Variants in BCLAF3 observed in about 807,000 individuals in gnomAD.
BCLAF3 encodes the protein transient octamer binding factor 1.
A neutral mutation model predicts 51.2 loss-of-function variants in BCLAF3; 24 were observed. The observed-to-expected ratio is 0.47, with a 90% CI of 0.34 to 0.66. BCLAF3 has a LOEUF of 0.66. BCLAF3 is among the 30% of genes least tolerant of loss of function. The pLI, the probability that BCLAF3 is intolerant of heterozygous loss-of-function variation, is 0.01. For missense variants in BCLAF3, 465 were observed against 525.1 expected, an observed-to-expected ratio of 0.89 and a Z score of 1.12; for synonymous variants, 152 against 176.6, an observed-to-expected ratio of 0.86 and a Z score of 1.10.
Position 19,977,196 on chromosome X carries a change from T to G in BCLAF3, c.-34-6898A>C, listed in dbSNP as rs188804727. Among the ~76,000 whole-genome samples the G allele has an allele frequency of 5.4e-5, 6 of 111,639 alleles. No homozygotes were observed. The East Asian group carries it at 1.7e-3, about 31-fold the overall frequency. On this transcript the variant is annotated intron_variant, in intron 1 of 11. Transcript: ENST00000379682. Reference sequence around the variant, plus strand: ...CAACTAATAATCCTAAAATGGCCTCTAAATGTTCAAGTGAAAGGAAGAGTC... The same window carrying G: ...CAACTAATAATCCTAAAATGGCCTCGAAATGTTCAAGTGAAAGGAAGAGTC...
rs1278319111 is a variant in BCLAF3, at chrX:19,913,280, G to A, written c.*4025C>T. On this transcript the variant is annotated 3_prime_UTR_variant, in exon 12 of 12. Transcript: ENST00000379682. ...TTAGAGATGGGGTTTCACCATATTG[G>A]CCAGGCTGGTCTCAAACTCCTGACC... 1 of 111,280 alleles carries A rather than the reference G, an allele frequency of 9.0e-6. No individual in the cohort carries two copies. Among genetic ancestry groups the A allele is most frequent in the Admixed American group, 9.6e-5 (1 of 10,463 alleles). 9.2% of individuals were successfully genotyped at this position (111,280 alleles called of 1,213,427 possible). A position where few individuals can be genotyped will look rare whatever the true frequency, so the allele number is the denominator to read the frequency against.
intron 11 of BCLAF3, among the ~76,000 whole-genome samples, chrX:19,922,679 C>T: frequency 9.0e-6 from 1 of 111,453 alleles, no homozygotes; most frequent in East Asian, 2.8e-4. Context: ...GGGCAGATCA[C>T]TTGAGGTCAG....
rs766097683 is a variant in BCLAF3 at position 19,969,508 on chromosome X, C to G, written c.41+716G>C. ...TGAAACGCCCAGATAAAATTGTTTT[C>G]ATCTCTTCTTTGAAGACTTTCTTAG... is the stretch of plus-strand genomic sequence containing the variant. On this transcript the variant is annotated intron_variant, in intron 2 of 11. Coordinates refer to ENST00000379682, the MANE Select transcript of BCLAF3 (RefSeq NM_001367774.2). 3.6e-5 allele frequency among the ~76,000 whole-genome samples: 4 copies of G among 112,372 alleles called. No homozygotes were observed. In the South Asian group the frequency reaches 1.5e-3, roughly 41 times the overall value.
intron 1 of BCLAF3, among the ~76,000 whole-genome samples, chrX:19,982,584 C>G (rs757911183): frequency 9.3e-6 from 1 of 107,379 alleles, no homozygotes; most frequent in Non-Finnish European, 1.9e-5. Flanking sequence ...CACACACACA[C>G]GCACACACAC....
At chrX:19,976,617 C>T (rs974526466) in intron 1 of BCLAF3, among the ~76,000 whole-genome samples, 2 of 111,545 alleles carry the variant, frequency 1.8e-5, no homozygotes, top group Non-Finnish European at 3.8e-5. Context: ...TCTCGAACTC[C>T]TGACCTCAGG....
At chrX:19,947,913 G>C (rs1302398336) in intron 8 of BCLAF3, among the ~76,000 whole-genome samples, 1 of 112,285 alleles carries the variant, frequency 8.9e-6, no homozygotes, top group Non-Finnish European at 1.9e-5. Context: ...AAACTACCCT[G>C]ACTTGATTTT....
At chrX:19,941,430 TC>T (rs1036627437) in intron 8 of BCLAF3, among the ~76,000 whole-genome samples, 51 of 101,850 alleles carry the variant, frequency 5.0e-4, no homozygotes, top group Non-Finnish European at 1.2e-4. Context: ...CTTTAATCCA[TC>T]TTGAATTGAT....
At chrX:19,960,565 C>CTTTAGT (rs977659409) in intron 4 of BCLAF3, among the ~76,000 whole-genome samples, 10 of 111,968 alleles carry the variant, frequency 8.9e-5, no homozygotes, top group Non-Finnish European at 1.9e-4. Flanking sequence ...TAGGGGAGAA[C>CTTTAGT]TTTAGTTTTC....
intron 11 of BCLAF3, chrX:19,928,840 C>T (rs2147734028): frequency 9.0e-6 from 1 of 111,062 alleles, no homozygotes; most frequent in South Asian, 3.8e-4. Context: ...ACAAATACCA[C>T]ATAATCTCAC....
intron 8 of BCLAF3, among the ~76,000 whole-genome samples, chrX:19,950,490 T>G (rs964840787): frequency 8.9e-6 from 1 of 112,357 alleles, no homozygotes; most frequent in Admixed American, 9.4e-5. Context: ...GCTAATATTC[T>G]AAAAGTGGTA....
In BCLAF3 at chrX:19,935,864, T is replaced by A. The variant is rs973420465; in HGVS notation, c.1895A>T (p.His632Leu). ...GTTTCCCTCAACCTCAAATGGTTTG[T>A]GAGTAATTATGTCTTTTCTCTGCGT... ...YTTQRKDIITHKPFEVEGNHR... is the reference protein window; with the variant it reads ...YTTQRKDIITLKPFEVEGNHR... Residue 632 changes from histidine to leucine, a missense_variant, in exon 10 of 12, where the codon CAC becomes CTC. By Grantham distance (99) the His-to-Leu change is moderately conservative (BLOSUM62 -3). Transcript: ENST00000379682. 5 of 1,210,271 alleles carry A rather than the reference T, an allele frequency of 4.1e-6. No homozygotes were observed. The highest frequency in any genetic ancestry group is 3.4e-6 in the Non-Finnish European group (3 of 894,140).
chrX:19,973,709 G>T (rs919253512), intron 1 of BCLAF3, among the ~76,000 whole-genome samples: 3 of 111,617 alleles, frequency 2.7e-5, no homozygotes, highest in African/African-American at 9.7e-5. Context: ...TTCTCCTTGG[G>T]AATTCTGGGT....
chrX:19,990,528 G>A (rs2072907914), intron 1 of BCLAF3, among the ~76,000 whole-genome samples: 1 of 113,588 alleles, frequency 8.8e-6, no homozygotes. Flanking sequence ...GAGGACAAGG[G>A]CACCGTCCCC....
chrX:19,935,585 G>A, intron 10 of BCLAF3: 1 of 360,908 alleles, frequency 2.8e-6, no homozygotes. Context: ...GTAATATTTG[G>A]AAAAGGAATC....
At chrX:19,960,385 C>A (rs966218504) in intron 4 of BCLAF3, among the ~76,000 whole-genome samples, 1 of 110,534 alleles carries the variant, frequency 9.0e-6, no homozygotes, top group African/African-American at 3.3e-5. Context: ...TGTCACAAAG[C>A]TGATCAGTGG....
intron 8 of BCLAF3, among the ~76,000 whole-genome samples, chrX:19,939,096 T>G: frequency 8.9e-6 from 1 of 111,894 alleles, no homozygotes; most frequent in Non-Finnish European, 1.9e-5. Flanking sequence ...TTTGTCAAAA[T>G]GCTCACGACA....
At chrX:19,955,936 T>C (rs2071646003) in intron 4 of BCLAF3, among the ~76,000 whole-genome samples, 1 of 112,281 alleles carries the variant, frequency 8.9e-6, no homozygotes, top group Non-Finnish European at 1.9e-5. Context: ...TCCAGCAAAA[T>C]TATTTTATCT....
At position 19,916,376 on chromosome X, in the gene BCLAF3, G is replaced by A. The variant is rs1359450215; in HGVS notation, c.*929C>T. ...GAAAACATAAAGAAATAAGGTATTG[G>A]GGCCTAAAAATTTCATTTAAAAATC... On this transcript the variant is annotated 3_prime_UTR_variant, in exon 12 of 12. Coordinates refer to ENST00000379682, the MANE Select transcript of BCLAF3 (RefSeq NM_001367774.2). 8.9e-6 allele frequency: 1 copy of A among 112,207 alleles called. No individual in the cohort carries two copies. Among genetic ancestry groups the A allele is most frequent in the African/African-American group, 3.2e-5 (1 of 30,865 alleles). The allele number at this position is 112,207 out of a possible 1,213,427, so 9.2% of individuals were successfully genotyped here. A position where few individuals can be genotyped will look rare whatever the true frequency, so the allele number is the denominator to read the frequency against.
intron 11 of BCLAF3, among the ~76,000 whole-genome samples, chrX:19,919,846 G>C (rs2070074335): frequency 1.2e-5 from 1 of 80,142 alleles, no homozygotes; most frequent in Non-Finnish European, 2.2e-5. Flanking sequence ...GACAGAGTGA[G>C]ACTTCGTCTC....
Sources: allele counts gnomAD v4.1 joint callset (sites outside exome capture counted in the v4.1 genomes callset), GRCh38; gene constraint gnomAD v4.1.1; transcripts MANE v1.5; gene names NCBI Gene and HGNC (gene_info 2026-07-23, HGNC 2026-07-21).